DTD1: variants seen among roughly 807,000 people sequenced by gnomAD.
DTD1 encodes the protein D-aminoacyl-tRNA deacylase 1.
DTD1 carries 13 observed loss-of-function variants against 25.6 expected under a neutral mutation model. That is an observed-to-expected ratio of 0.51 (90% confidence interval 0.33 to 0.81). The LOEUF (loss-of-function observed/expected upper bound fraction) is 0.81. Ranked by LOEUF, DTD1 falls within the 30% of genes least tolerant of loss-of-function variation. DTD1 has a pLI of 0.02. For missense variants in DTD1, 193 were observed against 266.4 expected (o/e 0.72, Z 1.92); for synonymous variants, 110 against 103.6 (o/e 1.06, Z -0.37).
intron 4 of DTD1, chr20:18,678,954 A>G (rs1450935506): frequency 6.6e-6 from 1 of 152,138 alleles, no homozygotes; most frequent in Non-Finnish European, 1.5e-5. Context: ...TCTTTTCTCC[A>G]TGTTGTCTGG....
rs55766733 is a variant in DTD1 at position 18,649,326 on chromosome 20, C to CTTTTTTTTTTTTTTTTTTTTTTTTTTTTT, written c.477+21095_477+21123dup. On this transcript the variant is annotated intron_variant, in intron 4 of 5. Coordinates refer to ENST00000377452, the MANE Select transcript of DTD1 (RefSeq NM_080820.6). ...TGGGCTTTCTCAGCCATTCATCTTT[C>CTTTTTTTTTTTTTTTTTTTTTTTTTTTTT]TTTTTTTTTTTTTTTTTTTTTTTTT... 5.2e-5 allele frequency among the ~76,000 whole-genome samples: 3 copies of CTTTTTTTTTTTTTTTTTTTTTTTTTTTTT among 57,628 alleles called. 1 individual carries two copies. Among genetic ancestry groups the CTTTTTTTTTTTTTTTTTTTTTTTTTTTTT allele is most frequent in the African/African-American group, 2.1e-4 (3 of 14,416 alleles). The allele number at this position is 57,628 out of a possible 152,430, so 37.8% of individuals were successfully genotyped here.
intron 4 of DTD1, among the ~76,000 whole-genome samples, chr20:18,740,071 T>C (rs1301696101): frequency 1.3e-5 from 2 of 152,142 alleles, no homozygotes; most frequent in Non-Finnish European, 2.9e-5. Context: ...TCTGCATCTG[T>C]GGTGTCTGTG....
intron 4 of DTD1, among the ~76,000 whole-genome samples, chr20:18,702,472 A>G (rs1480776405): frequency 6.6e-6 from 1 of 152,214 alleles, no homozygotes; most frequent in Admixed American, 6.5e-5. Context: ...TAGAATAAAG[A>G]TCTAGATTAG....
chr20:18,608,770 G>T (rs932672284), intron 3 of DTD1, among the ~76,000 whole-genome samples: 3 of 152,038 alleles, frequency 2.0e-5, no homozygotes, highest in African/African-American at 7.3e-5. Context: ...TTTATTCTTG[G>T]GTGTGCCAAC....
chr20:18,680,136 A>G (rs2122410025), intron 4 of DTD1, among the ~76,000 whole-genome samples: 2 of 152,220 alleles, frequency 1.3e-5, no homozygotes, highest in African/African-American at 4.8e-5. Context: ...TTTCACATAT[A>G]CCATTAATTT....
At chr20:18,654,627 C>T (rs1050945355) in intron 4 of DTD1, among the ~76,000 whole-genome samples, 6 of 152,118 alleles carry the variant, frequency 3.9e-5, no homozygotes, top group Non-Finnish European at 7.4e-5. Context: ...TCTCTCAGTA[C>T]CTGTGTGTAA....
intron 5 of DTD1, among the ~76,000 whole-genome samples, chr20:18,746,267 A>G (rs1253994510): frequency 6.6e-6 from 1 of 152,196 alleles, no homozygotes; most frequent in Non-Finnish European, 1.5e-5. Flanking sequence ...AGGAGACAGA[A>G]TTCACCCAAG....
chr20:18,655,561 T>C (rs575000945), intron 4 of DTD1, among the ~76,000 whole-genome samples: 1 of 152,188 alleles, frequency 6.6e-6, no homozygotes, highest in South Asian at 2.1e-4. Flanking sequence ...TCAGCAATTA[T>C]CAGCCATCAC....
intron 3 of DTD1, among the ~76,000 whole-genome samples, chr20:18,618,993 G>A (rs1270329628): frequency 6.6e-6 from 1 of 151,858 alleles, no homozygotes; most frequent in African/African-American, 2.4e-5. Flanking sequence ...GATCACAGGC[G>A]TGAGTCACCG....
chr20:18,649,958 A>T (rs907972772), intron 4 of DTD1, among the ~76,000 whole-genome samples: 1 of 152,230 alleles, frequency 6.6e-6, no homozygotes, highest in African/African-American at 2.4e-5. Flanking sequence ...CACGCCTGTA[A>T]TTCCAGTACT....
At chr20:18,596,734 T>G (rs1300118314) in intron 3 of DTD1, among the ~76,000 whole-genome samples, 1 of 152,130 alleles carries the variant, frequency 6.6e-6, no homozygotes, top group Non-Finnish European at 1.5e-5. Flanking sequence ...CATTCTCTTT[T>G]TTTTTTTTCT....
intron 4 of DTD1, among the ~76,000 whole-genome samples, chr20:18,738,753 G>T (rs2061266416): frequency 6.6e-6 from 1 of 152,158 alleles, no homozygotes; most frequent in African/African-American, 2.4e-5. Context: ...CAGCAGGGAG[G>T]GAGGAAGGGG....
intron 1 of DTD1, chr20:18,588,617 G>C (rs1380404095): frequency 2.3e-5 from 11 of 483,650 alleles, no homozygotes; most frequent in African/African-American, 4.2e-5. Context: ...TTGCTCCTTG[G>C]GCTGAGCTTT....
intron 3 of DTD1, among the ~76,000 whole-genome samples, chr20:18,611,726 C>T (rs6081243): frequency 1.3e-5 from 2 of 151,946 alleles, no homozygotes; most frequent in Non-Finnish European, 2.9e-5. Flanking sequence ...CGGCTCTCTT[C>T]GTTCCTGTTG....
At chr20:18,718,203 A>T (rs2328330) in intron 4 of DTD1, among the ~76,000 whole-genome samples, 1 of 152,116 alleles carries the variant, frequency 6.6e-6, no homozygotes, top group Non-Finnish European at 1.5e-5. Context: ...TTTATTAAAG[A>T]TATTTATTTT....
chr20:18,600,318 A>G lies in DTD1; in HGVS notation c.370+4077A>G, dbSNP rs184796702. Among the ~76,000 whole-genome samples the G allele has an allele frequency of 6.6e-5, 10 of 151,836 alleles. No individual in the cohort carries two copies. The East Asian group carries it at 1.6e-3, about 24-fold the overall frequency. ...TCTTTGTCTAGAGGCGCTTTTTTGT[A>G]TGTGGATATCCAGTTATTCCAACAT... On this transcript the variant is annotated intron_variant, in intron 3 of 5. Transcript: ENST00000377452.
chr20:18,594,846 G>A (rs2060603566), intron 2 of DTD1, among the ~76,000 whole-genome samples: 1 of 152,186 alleles, frequency 6.6e-6, no homozygotes, highest in Admixed American at 6.5e-5. Flanking sequence ...ATACTACAGA[G>A]CTAATACTTA....
At chr20:18,667,792 C>T (rs945780150) in intron 4 of DTD1, among the ~76,000 whole-genome samples, 21 of 152,190 alleles carry the variant, frequency 1.4e-4, no homozygotes, top group Non-Finnish European at 4.4e-5. Flanking sequence ...TGAGCGCCCT[C>T]TCCCTTCTCC....
chr20:18,648,033 T>C (rs1411245729), intron 4 of DTD1, among the ~76,000 whole-genome samples: 1 of 152,212 alleles, frequency 6.6e-6, no homozygotes, highest in Non-Finnish European at 1.5e-5. Flanking sequence ...GGACCAGTTG[T>C]TCTCTTTGTT....
Sources: gnomAD v4.1 joint callset for allele counts (sites outside exome capture counted in the v4.1 genomes callset) on GRCh38, gnomAD v4.1.1 for gene constraint, MANE v1.5 for transcripts, NCBI Gene and HGNC (gene_info 2026-07-23, HGNC 2026-07-21) for gene names.